The following DPP10 variants were observed in gnomAD, a reference collection of about 807,000 sequenced individuals.
DPP10 encodes dipeptidyl peptidase like 10.
DPP10 carries 33 observed loss-of-function variants against 120.9 expected under a neutral mutation model. The observed-to-expected ratio is 0.27, with a 90% CI of 0.21 to 0.37. The LOEUF is 0.37. DPP10 is among the 10% of genes least tolerant of loss of function. The pLI is 1.00. For synonymous variants in DPP10, 337 were observed against 326.1 expected (o/e 1.03, Z -0.36); for missense variants, 816 against 942.8 (o/e 0.87, Z 1.76).
chr2:115,211,826 CGTGT>C (rs1415561212), intron 1 of DPP10, among the ~76,000 whole-genome samples: 4 of 151,910 alleles, frequency 2.6e-5, no homozygotes, highest in East Asian at 1.9e-4. Context: ...GAGATGTGTG[CGTGT>C]GTGTGTCAGC....
At chr2:115,069,812 G>T (rs1026629123) in intron 1 of DPP10, among the ~76,000 whole-genome samples, 1 of 151,070 alleles carries the variant, frequency 6.6e-6, no homozygotes, top group Admixed American at 6.6e-5. Flanking sequence ...TGGTGAGTGA[G>T]CATAATAATC....
chr2:115,795,636 C>T (rs920493918), intron 19 of DPP10, among the ~76,000 whole-genome samples: 3 of 152,080 alleles, frequency 2.0e-5, no homozygotes, highest in Non-Finnish European at 4.4e-5. Context: ...TAGAAGTGAT[C>T]TGTTTTCTAT....
chr2:115,735,226 T>C (rs2093007645), intron 8 of DPP10, among the ~76,000 whole-genome samples: 1 of 152,184 alleles, frequency 6.6e-6, no homozygotes, highest in Admixed American at 6.5e-5. Flanking sequence ...GGAAAAGAAG[T>C]ACATAAAATC....
chr2:115,278,097 C>T (rs556369000), intron 1 of DPP10, among the ~76,000 whole-genome samples: 12 of 152,264 alleles, frequency 7.9e-5, no homozygotes, highest in East Asian at 3.9e-4. Flanking sequence ...TTTCTACTTA[C>T]GCTATTCGGG....
chr2:114,762,911 A>T (rs917421223), intron 1 of DPP10, among the ~76,000 whole-genome samples: 4 of 152,218 alleles, frequency 2.6e-5, no homozygotes, highest in African/African-American at 9.6e-5. Context: ...AATGTAGGGA[A>T]GGAAACAGAT....
chr2:115,141,444 A>C (rs956253817), intron 1 of DPP10, among the ~76,000 whole-genome samples: 1 of 152,214 alleles, frequency 6.6e-6, no homozygotes, highest in African/African-American at 2.4e-5. Flanking sequence ...AGGTGAATAA[A>C]GGTTAAAGGT....
intron 2 of DPP10, among the ~76,000 whole-genome samples, chr2:115,339,219 C>A (rs1202742050): frequency 2.0e-5 from 3 of 152,030 alleles, no homozygotes; most frequent in East Asian, 1.9e-4. Context: ...TGATGTTCAA[C>A]CTCATTAGCT....
intron 1 of DPP10, among the ~76,000 whole-genome samples, chr2:115,054,349 C>A (rs995595955): frequency 3.3e-5 from 5 of 152,154 alleles, no homozygotes; most frequent in African/African-American, 1.2e-4. Context: ...TCACATTTAT[C>A]TCTTCCTAAC....
intron 3 of DPP10, among the ~76,000 whole-genome samples, chr2:115,393,075 G>C (rs568477770): frequency 6.6e-5 from 10 of 152,270 alleles, no homozygotes; most frequent in African/African-American, 2.4e-4. Flanking sequence ...CACATTGGGA[G>C]GCTGAGGTGG....
intron 5 of DPP10, among the ~76,000 whole-genome samples, chr2:115,605,314 A>G (rs2083633374): frequency 1.3e-5 from 2 of 152,124 alleles, no homozygotes; most frequent in African/African-American, 4.8e-5. Flanking sequence ...GAGAATACAT[A>G]TATCATAATT....
At chr2:114,777,457 T>C (rs1284276265) in intron 1 of DPP10, among the ~76,000 whole-genome samples, 1 of 152,134 alleles carries the variant, frequency 6.6e-6, no homozygotes, top group Non-Finnish European at 1.5e-5. Flanking sequence ...ATTATATTTC[T>C]TCCAGAAAAA....
intron 1 of DPP10, among the ~76,000 whole-genome samples, chr2:114,952,050 A>G (rs1015544265): frequency 3.9e-5 from 6 of 151,964 alleles, no homozygotes; most frequent in African/African-American, 1.4e-4. Flanking sequence ...AGTAGTTTAC[A>G]CATATAATTT....
chr2:115,606,220 T>G (rs2083695167), intron 5 of DPP10, among the ~76,000 whole-genome samples: 1 of 152,184 alleles, frequency 6.6e-6, no homozygotes, highest in Non-Finnish European at 1.5e-5. Flanking sequence ...AGGTGGAGTC[T>G]TAATTCTTGA....
chr2:115,210,469 C>T (rs2056436157), intron 1 of DPP10, among the ~76,000 whole-genome samples: 2 of 151,966 alleles, frequency 1.3e-5, no homozygotes, highest in Admixed American at 6.6e-5. Context: ...TGAATAGTGC[C>T]GCAATAAACG....
chr2:114,569,298 AT>A, intron 1 of DPP10, among the ~76,000 whole-genome samples: 1 of 152,212 alleles, frequency 6.6e-6, no homozygotes, highest in Middle Eastern at 3.4e-3. Context: ...CCATTTTTCT[AT>A]TTGCTCTACA....
rs922747842 is a variant in DPP10 at position 114,651,016 on chromosome 2, T to C, written c.60+208178T>C. ...AGGGAGCTTAGAGTGACATTCAAGCTCCTTCATAGTTTGACTACCACCTAT... is the reference window on the plus strand; with the variant it reads ...AGGGAGCTTAGAGTGACATTCAAGCCCCTTCATAGTTTGACTACCACCTAT... On this transcript the variant is annotated intron_variant, in intron 1 of 25. Coordinates refer to ENST00000410059, the MANE Select transcript of DPP10 (RefSeq NM_020868.6). 2.6e-5 allele frequency among the ~76,000 whole-genome samples: 4 copies of C among 152,158 alleles called. No homozygotes were observed. In the East Asian group the frequency reaches 7.7e-4, roughly 29 times the overall value.
At chr2:115,720,454 T>G (rs1020646760) in intron 7 of DPP10, among the ~76,000 whole-genome samples, 1 of 152,120 alleles carries the variant, frequency 6.6e-6, no homozygotes, top group African/African-American at 2.4e-5. Flanking sequence ...AAATATGTCT[T>G]AAATATTTCA....
chr2:115,331,356 T>C (rs2106170541), intron 2 of DPP10, among the ~76,000 whole-genome samples: 1 of 152,340 alleles, frequency 6.6e-6, no homozygotes, highest in African/African-American at 2.4e-5. Flanking sequence ...TATACAATGA[T>C]GTCATCTGCA....
chr2:115,033,687 A>G (rs1485776175), intron 1 of DPP10, among the ~76,000 whole-genome samples: 1 of 127,810 alleles, frequency 7.8e-6, no homozygotes, highest in East Asian at 2.4e-4. Flanking sequence ...TTACCGCAAT[A>G]TCTTCCCTCC....
Sources: gnomAD v4.1 joint callset for allele counts (sites outside exome capture counted in the v4.1 genomes callset) on GRCh38, gnomAD v4.1.1 for gene constraint, MANE v1.5 for transcripts, NCBI Gene and HGNC (gene_info 2026-07-23, HGNC 2026-07-21) for gene names.